ROBO2: variants seen among roughly 807,000 people sequenced by gnomAD.
ROBO2 encodes the protein roundabout homolog 2.
Under a neutral mutation model 160.8 loss-of-function variants are expected in ROBO2, and 53 were observed. That is an observed-to-expected ratio of 0.33 (90% CI 0.26 to 0.41). The LOEUF (loss-of-function observed/expected upper bound fraction) is 0.41. ROBO2 is among the 10% of genes least tolerant of loss of function. The pLI is 1.00. For synonymous variants in ROBO2, 664 were observed against 611.7 expected (o/e 1.09, Z -1.26); for missense variants, 1,577 against 1,722.4 (o/e 0.92, Z 1.49).
chr3:76,604,841 T>G (rs528794621), intron 2 of ROBO2, among the ~76,000 whole-genome samples: 10 of 152,304 alleles, frequency 6.6e-5, no homozygotes, highest in African/African-American at 2.4e-4. Context: ...AGTTACATTT[T>G]GGAAAGCCCT....
chr3:76,135,224 C>A (rs1445794726), intron 2 of ROBO2, among the ~76,000 whole-genome samples: 1 of 151,998 alleles, frequency 6.6e-6, no homozygotes, highest in East Asian at 1.9e-4. Context: ...GAATCTGATC[C>A]AGCTTTGTGC....
chr3:76,083,666 TCTGAAA>T (rs2068913187), intron 2 of ROBO2, among the ~76,000 whole-genome samples: 1 of 152,150 alleles, frequency 6.6e-6, no homozygotes, highest in South Asian at 2.1e-4. Flanking sequence ...AGAACCAGCA[TCTGAAA>T]TGTTCCCTCC....
At chr3:76,974,296 C>G (rs1225187933) in intron 2 of ROBO2, among the ~76,000 whole-genome samples, 1 of 151,840 alleles carries the variant, frequency 6.6e-6, no homozygotes, top group African/African-American at 2.4e-5. Context: ...CCTTTTAATC[C>G]CCCCCTTTTT....
chr3:76,825,407 C>T (rs2775154), intron 2 of ROBO2, among the ~76,000 whole-genome samples: 18,921 of 151,718 alleles, frequency 0.12, 1,276 homozygotes, highest in East Asian at 0.2. Flanking sequence ...TATAAAGAAA[C>T]AAAAACTCCA....
chr3:76,878,938 C>T (rs565190299), intron 2 of ROBO2, among the ~76,000 whole-genome samples: 44 of 151,894 alleles, frequency 2.9e-4, no homozygotes, highest in Non-Finnish European at 4.1e-4. Context: ...AGAAATAGTA[C>T]GGCTAAAGTT....
At chr3:77,001,271 G>C (rs376853552) in intron 2 of ROBO2, among the ~76,000 whole-genome samples, 1 of 152,160 alleles carries the variant, frequency 6.6e-6, no homozygotes, top group African/African-American at 2.4e-5. Context: ...AATGCCAGTA[G>C]TATCAGAGTT....
chr3:77,217,151 T>G (rs775790944), intron 2 of ROBO2, among the ~76,000 whole-genome samples: 12 of 151,980 alleles, frequency 7.9e-5, no homozygotes, highest in African/African-American at 2.4e-4. Flanking sequence ...CTTTCCTTTT[T>G]TTCTTTTCTT....
intron 24 of ROBO2, among the ~76,000 whole-genome samples, chr3:77,641,282 G>A (rs1222063447): frequency 2.0e-5 from 3 of 152,148 alleles, no homozygotes; most frequent in Non-Finnish European, 4.4e-5. Flanking sequence ...GAGGACATAC[G>A]TAAGAACTGG....
At chr3:77,136,869 T>C (rs2076321438) in intron 2 of ROBO2, among the ~76,000 whole-genome samples, 1 of 152,072 alleles carries the variant, frequency 6.6e-6, no homozygotes, top group Non-Finnish European at 1.5e-5. Flanking sequence ...TCTCCTGACC[T>C]TGTGATCCGC....
intron 2 of ROBO2, among the ~76,000 whole-genome samples, chr3:76,116,563 G>T (rs1052838192): frequency 6.6e-6 from 1 of 152,156 alleles, no homozygotes; most frequent in African/African-American, 2.4e-5. Flanking sequence ...TTTGGTGACA[G>T]AATTTAAGTC....
intron 24 of ROBO2, among the ~76,000 whole-genome samples, chr3:77,644,120 TA>T (rs35421897): frequency 0.05 from 7,527 of 150,500 alleles, 352 homozygotes; most frequent in East Asian, 0.19. Flanking sequence ...AGACAATCTG[TA>T]AAAAAAAAAA....
intron 2 of ROBO2, among the ~76,000 whole-genome samples, chr3:76,905,935 G>T (rs181762143): frequency 6.6e-6 from 1 of 152,084 alleles, no homozygotes; most frequent in East Asian, 1.9e-4. Flanking sequence ...TCTCTTAATG[G>T]CTTTATTTTT....
intron 2 of ROBO2, among the ~76,000 whole-genome samples, chr3:77,303,911 T>G (rs896839895): frequency 2.0e-5 from 3 of 152,148 alleles, no homozygotes; most frequent in African/African-American, 7.2e-5. Flanking sequence ...ACATTTCAAC[T>G]TCACCTTTGT....
intron 2 of ROBO2, among the ~76,000 whole-genome samples, chr3:76,504,420 G>A (rs187950141): frequency 6.6e-6 from 1 of 151,878 alleles, no homozygotes; most frequent in Admixed American, 6.6e-5. Context: ...TCTTTCTTGA[G>A]AGGGACAGTT....
intron 2 of ROBO2, among the ~76,000 whole-genome samples, chr3:76,532,309 T>C: frequency 6.6e-6 from 1 of 152,246 alleles, no homozygotes; most frequent in Admixed American, 6.5e-5. Flanking sequence ...AGTTGAGTTA[T>C]GACTGATTTC....
chr3:76,543,889 G>C (rs2082948412), intron 2 of ROBO2, among the ~76,000 whole-genome samples: 1 of 151,790 alleles, frequency 6.6e-6, no homozygotes, highest in Non-Finnish European at 1.5e-5. Context: ...ATTTCTAGCT[G>C]CTTCTTTCTA....
rs558240082 is a variant in ROBO2, at chr3:76,802,489, G to A, written c.110-295525G>A. ...CACGCCTGTGATCCCAGCACTTTGGGAGGCTGAGGAGGGCGGATCACAAAG... is the reference window on the plus strand; with the variant it reads ...CACGCCTGTGATCCCAGCACTTTGGAAGGCTGAGGAGGGCGGATCACAAAG... On this transcript the variant is annotated intron_variant, in intron 2 of 26. Coordinates refer to the ROBO2 transcript ENST00000487694. Among the ~76,000 whole-genome samples the A allele has an allele frequency of 7.9e-5, 12 of 152,138 alleles. No homozygotes were observed. In the East Asian group the frequency reaches 1.9e-3, roughly 25 times the overall value.
chr3:77,442,286 T>C (rs1226389386), intron 2 of ROBO2, among the ~76,000 whole-genome samples: 1 of 151,180 alleles, frequency 6.6e-6, no homozygotes, highest in East Asian at 2.0e-4. Context: ...AACTCCAGCC[T>C]GGGCGACAGA....
chr3:75,920,144 C>A (rs550038939), intron 1 of ROBO2, among the ~76,000 whole-genome samples: 4 of 152,178 alleles, frequency 2.6e-5, no homozygotes, highest in Admixed American at 2.6e-4. Context: ...TAGATCTTTC[C>A]CACTTTCTGA....
Sources: gnomAD v4.1 joint callset for allele counts (sites outside exome capture counted in the v4.1 genomes callset) on GRCh38, gnomAD v4.1.1 for gene constraint, MANE v1.5 for transcripts, NCBI Gene and HGNC (gene_info 2026-07-23, HGNC 2026-07-21) for gene names.